Variants in RAB5A observed in about 807,000 individuals in gnomAD.
RAB5A encodes the protein ras-related protein Rab-5A.
RAB5A carries 8 observed loss-of-function variants against 25.7 expected under a neutral mutation model. The observed-to-expected ratio is 0.31, with a 90% CI of 0.18 to 0.56. RAB5A has a LOEUF of 0.56. Ranked by LOEUF, RAB5A falls within the 20% of genes least tolerant of loss-of-function variation. The pLI is 0.91. For synonymous variants in RAB5A, 98 were observed against 89.8 expected, an observed-to-expected ratio of 1.09 and a Z score of -0.52; for missense variants, 192 against 259.7, an observed-to-expected ratio of 0.74 and a Z score of 1.79.
chr3:19,978,164 T>A (rs746140346), intron 4 of RAB5A, 146 bp from the exon 5 acceptor site: 34 of 657,798 alleles, frequency 5.2e-5, no homozygotes, highest in Non-Finnish European at 8.8e-5. Flanking sequence ...CTGTTGTAGC[T>A]TATTATATAG....
At chr3:19,975,531 G>T (rs779489579) in intron 2 of RAB5A, 70 bp from the exon 3 acceptor site, 3 of 1,449,720 alleles carry the variant, frequency 2.1e-6, no homozygotes, top group African/African-American at 2.8e-5. Context: ...ATGTATACAA[G>T]CAGGTGTTTT....
chr3:19,980,677 A>G (rs943814494), intron 5 of RAB5A, among the ~76,000 whole-genome samples: 1 of 152,200 alleles, frequency 6.6e-6, no homozygotes, highest in Non-Finnish European at 1.5e-5. Flanking sequence ...GTTATTATAT[A>G]CAATATATAG....
intron 2 of RAB5A, among the ~76,000 whole-genome samples, chr3:19,956,044 T>C (rs1696497264): frequency 6.6e-6 from 1 of 152,232 alleles, no homozygotes; most frequent in African/African-American, 2.4e-5. Flanking sequence ...ATGATCCCTC[T>C]GTCCAATCAA....
At chr3:19,977,268 G>A (rs1696840428) in intron 4 of RAB5A, among the ~76,000 whole-genome samples, 1 of 152,086 alleles carries the variant, frequency 6.6e-6, no homozygotes, top group Admixed American at 6.6e-5. Flanking sequence ...TAGAGACAGG[G>A]TTTCACTGTG....
rs752373114 is a variant in RAB5A at position 19,977,073 on chromosome 3, C to CT, written c.438+920dup. On this transcript the variant is annotated intron_variant, in intron 4 of 5. Transcript: ENST00000273047. Reference sequence around the variant, plus strand: ...AAACAAAGCAAGTCCTCTATTTAGACTTTTTTTTTTTTTTTTAAGATGGAG... The same window carrying CT: ...AAACAAAGCAAGTCCTCTATTTAGACTTTTTTTTTTTTTTTTTAAGATGGAG... Among the ~76,000 whole-genome samples, 930 of 141,716 alleles carry CT rather than the reference C, an allele frequency of 6.6e-3. 3 individuals are homozygous for CT. Among genetic ancestry groups the CT allele is most frequent in the Middle Eastern group, 0.015 (4 of 274 alleles). 93.0% of individuals were successfully genotyped at this position (141,716 alleles called of 152,430 possible).
At chr3:19,971,305 G>C (rs1380301140) in intron 2 of RAB5A, among the ~76,000 whole-genome samples, 1 of 151,908 alleles carries the variant, frequency 6.6e-6, no homozygotes, top group Non-Finnish European at 1.5e-5. Context: ...ATTATAGTGG[G>C]CTACACTATT....
chr3:19,958,662 G>T (rs1000486062), intron 2 of RAB5A, among the ~76,000 whole-genome samples: 1 of 152,170 alleles, frequency 6.6e-6, no homozygotes, highest in Admixed American at 6.5e-5. Flanking sequence ...TGACCAACAT[G>T]GCAAAACACT....
rs200047397 is a variant in RAB5A at position 19,950,909 on chromosome 3, G to A, written c.11G>A (p.Arg4Gln). MAS[R>Q]GATRPNGPNT... ...ATTTCAAATTTGGACATGGCTAGTC[G>A]AGGCGCAACAAGACCCAACGGGCCA... Residue 4 changes from arginine to glutamine, a missense_variant, in exon 2 of 6, where the codon CGA (arginine) becomes CAA (glutamine). Physicochemically the swap from Arg to Gln is conservative, Grantham distance 43 (BLOSUM62 1). This residue lies in a region of RAB5A where 32 missense variants were observed against 32.4 expected (regional missense o/e 0.99). Transcript: ENST00000273047. 2.1e-5 allele frequency: 34 copies of A among 1,610,342 alleles called. No homozygotes were observed. Among genetic ancestry groups the A allele is most frequent in the Non-Finnish European group, 2.7e-5 (32 of 1,178,010 alleles).
intron 2 of RAB5A, among the ~76,000 whole-genome samples, chr3:19,964,142 C>T (rs776915581): frequency 2.6e-5 from 4 of 152,134 alleles, no homozygotes; most frequent in Admixed American, 6.5e-5. Context: ...ATAGCTTGGG[C>T]GCTATCCTTG....
intron 2 of RAB5A, among the ~76,000 whole-genome samples, chr3:19,953,435 A>G: frequency 6.9e-6 from 1 of 145,342 alleles, no homozygotes; most frequent in East Asian, 2.0e-4. Context: ...TTTTGGAGAC[A>G]AGGTCTCTGT....
At chr3:19,964,753 A>C (rs1288251427) in intron 2 of RAB5A, among the ~76,000 whole-genome samples, 1 of 152,134 alleles carries the variant, frequency 6.6e-6, no homozygotes, top group African/African-American at 2.4e-5. Context: ...CTGGGACTAC[A>C]GGCGCATGTC....
At chr3:19,972,981 C>T (rs567698826) in intron 2 of RAB5A, among the ~76,000 whole-genome samples, 1 of 152,174 alleles carries the variant, frequency 6.6e-6, no homozygotes, top group South Asian at 2.1e-4. Flanking sequence ...TAACTTAGCT[C>T]CAAAAAGCAA....
chr3:19,970,558 A>T (rs1423764377), intron 2 of RAB5A: 2 of 456,726 alleles, frequency 4.4e-6, no homozygotes, highest in Admixed American at 2.3e-5. Context: ...TAACTCTCGA[A>T]GTGATAAAAG....
intron 2 of RAB5A, among the ~76,000 whole-genome samples, chr3:19,969,533 C>T (rs987574829): frequency 1.3e-5 from 2 of 152,172 alleles, no homozygotes; most frequent in Admixed American, 1.3e-4. Context: ...AATCACTTAG[C>T]ATCCATTGTA....
Position 19,975,593 on chromosome 3 carries a change from T to C in RAB5A, c.164-8T>C. ...AATGATTGACTTATTGTAGTCCTTTTCTTTCAGCTGCTTTTCTAACCCAAA... is the reference window on the plus strand; with the variant it reads ...AATGATTGACTTATTGTAGTCCTTTCCTTTCAGCTGCTTTTCTAACCCAAA... On this transcript the variant is annotated splice_region_variant and splice_polypyrimidine_tract_variant and intron_variant, in intron 2 of 5. Coordinates refer to ENST00000273047, the MANE Select transcript of RAB5A (RefSeq NM_004162.5). The C allele has an allele frequency of 6.2e-7, 1 of 1,609,202 alleles. No homozygotes were observed. Among genetic ancestry groups the C allele is most frequent in the African/African-American group, 1.3e-5 (1 of 74,832 alleles).
At chr3:19,982,152 CT>C (rs1277752414) in intron 5 of RAB5A, among the ~76,000 whole-genome samples, 1 of 151,840 alleles carries the variant, frequency 6.6e-6, no homozygotes. Flanking sequence ...GTGGGAGGAT[CT>C]TTTGAGCCCA....
intron 2 of RAB5A, among the ~76,000 whole-genome samples, chr3:19,957,070 T>G (rs547622294): frequency 6.8e-6 from 1 of 147,298 alleles, no homozygotes; most frequent in African/African-American, 2.7e-5. Flanking sequence ...GGACTGACTA[T>G]AGGCATGCAC....
At chr3:19,977,632 T>A (rs1472093069) in intron 4 of RAB5A, among the ~76,000 whole-genome samples, 1 of 152,118 alleles carries the variant, frequency 6.6e-6, no homozygotes, top group Non-Finnish European at 1.5e-5. Flanking sequence ...AGCACAAGAG[T>A]GGCAGAGAAA....
At chr3:19,978,495 G>T in intron 5 of RAB5A, 92 bp downstream of exon 5, 1 of 884,280 alleles carries the variant, frequency 1.1e-6, no homozygotes, top group Non-Finnish European at 1.8e-6. Flanking sequence ...AAAAATTTTT[G>T]GGGGTGGGTT....
Sources: allele counts gnomAD v4.1 joint callset (sites outside exome capture counted in the v4.1 genomes callset), GRCh38; gene constraint gnomAD v4.1.1; regional missense constraint gnomAD v4.1.1; transcripts MANE v1.5; gene names NCBI Gene and HGNC (gene_info 2026-07-23, HGNC 2026-07-21).